Variants in CLASP1 observed in about 807,000 individuals in gnomAD.
CLASP1 encodes the protein CLIP-associating protein 1.
In CLASP1, 38 loss-of-function variants were observed where a neutral mutation model predicts 192.3. That is an observed-to-expected ratio of 0.20 (90% CI 0.15 to 0.26). The LOEUF is 0.26. CLASP1 is among the 10% of genes least tolerant of loss of function. The pLI, the probability that CLASP1 is intolerant of heterozygous loss-of-function variation, is 1.00. For missense variants in CLASP1, 1,433 were observed against 1,932.5 expected, an observed-to-expected ratio of 0.74 and a Z score of 4.85; for synonymous variants, 691 against 712.8, an observed-to-expected ratio of 0.97 and a Z score of 0.49.
At chr2:121,638,352 G>A (rs1326551749) in intron 1 of CLASP1, among the ~76,000 whole-genome samples, 1 of 151,900 alleles carries the variant, frequency 6.6e-6, no homozygotes, top group African/African-American at 2.4e-5. Flanking sequence ...TGGAGAAACT[G>A]GAACCCTTGT....
At position 121,404,356 on chromosome 2, in the gene CLASP1, T is replaced by A. The variant is rs1302834827; in HGVS notation, c.2733+15A>T. 2.5e-6 allele frequency: 4 copies of A among 1,610,402 alleles called. No individual in the cohort carries two copies. Among genetic ancestry groups the A allele is most frequent in the Non-Finnish European group, 3.4e-6 (4 of 1,178,506 alleles). On this transcript the variant is annotated intron_variant, in intron 26 of 39. Coordinates refer to ENST00000263710, the Ensembl canonical transcript of CLASP1. ...TGCAGGGGTAAAGACAGGGCAGGCA[T>A]GACTTCAGACTTACCTTGCTATGAG...
Position 121,643,066 on chromosome 2 carries a change from CA to C in CLASP1, c.-286+6305del, listed in dbSNP as rs370592528. On this transcript the variant is annotated intron_variant, in intron 1 of 39. Coordinates refer to ENST00000263710, the Ensembl canonical transcript of CLASP1. ...TGGACAGTAGTGAGGGAAAGTCCTA[CA>C]CTGACCTCAGCTATCCTGAATGAAG... is the stretch of plus-strand genomic sequence containing the variant. Among the ~76,000 whole-genome samples the C allele has an allele frequency of 9.9e-5, 15 of 151,644 alleles. 1 individual carries two copies. The South Asian group carries it at 3.1e-3, about 32-fold the overall frequency.
chr2:121,634,682 C>T (rs770763944), intron 1 of CLASP1, among the ~76,000 whole-genome samples: 8 of 152,256 alleles, frequency 5.3e-5, no homozygotes, highest in South Asian at 4.1e-4. Context: ...ACTTTAGAAA[C>T]GCAGTCACAG....
chr2:121,537,506 G>C (rs995617201), intron 2 of CLASP1, among the ~76,000 whole-genome samples: 19 of 152,098 alleles, frequency 1.2e-4, no homozygotes, highest in African/African-American at 4.6e-4. Flanking sequence ...GAAGCCCAGT[G>C]TATCACACCA....
chr2:121,516,866 T>C (rs1575597182), intron 6 of CLASP1, among the ~76,000 whole-genome samples: 1 of 152,020 alleles, frequency 6.6e-6, no homozygotes, highest in South Asian at 2.1e-4. Context: ...GTCTCTACTA[T>C]AAATACAAAA....
intron 5 of CLASP1, among the ~76,000 whole-genome samples, chr2:121,527,227 G>T (rs1367396894): frequency 3.3e-5 from 5 of 152,106 alleles, no homozygotes; most frequent in Admixed American, 6.5e-5. Context: ...CCAAAAACTG[G>T]AAATTACCCA....
rs542092726 is a variant in CLASP1, at chr2:121,545,913, A to T, written c.196-15588T>A. On this transcript the variant is annotated intron_variant, in intron 2 of 39. Transcript: ENST00000263710. ...TTCTATTATAGTTTGCTCATTACTT[A>T]AAAAAAAAAAACTTTCTTTAATTGG... Among the ~76,000 whole-genome samples the T allele has an allele frequency of 6.6e-3, 632 of 95,976 alleles. 3 individuals are homozygous for T. Among genetic ancestry groups the T allele is most frequent in the African/African-American group, 0.061 (613 of 10,052 alleles). 63.0% of individuals were successfully genotyped at this position (95,976 alleles called of 152,430 possible).
At chr2:121,358,973 C>T (rs932807566) in intron 37 of CLASP1, among the ~76,000 whole-genome samples, 5 of 152,230 alleles carry the variant, frequency 3.3e-5, no homozygotes, top group Non-Finnish European at 7.3e-5. Flanking sequence ...TCAGAATAAG[C>T]TAAGTCTAAT....
chr2:121,496,758 A>G (rs939423430), intron 8 of CLASP1, among the ~76,000 whole-genome samples: 1 of 152,212 alleles, frequency 6.6e-6, no homozygotes, highest in Admixed American at 6.5e-5. Flanking sequence ...ACCTGCAAAC[A>G]TGACGCATAC....
chr2:121,558,908 T>C (rs2058822113), intron 2 of CLASP1, among the ~76,000 whole-genome samples: 1 of 152,184 alleles, frequency 6.6e-6, no homozygotes. Flanking sequence ...AAGAATGACC[T>C]TGCAAACTGA....
intron 24 of CLASP1, chr2:121,409,106 A>G (rs1227828785): frequency 4.4e-6 from 6 of 1,375,822 alleles, no homozygotes; most frequent in African/African-American, 2.9e-5. Context: ...TGTCAGAAGC[A>G]TATGTAGGGA....
chr2:121,417,433 G>GA (rs1190866287), intron 23 of CLASP1, among the ~76,000 whole-genome samples: 2 of 146,558 alleles, frequency 1.4e-5, no homozygotes, highest in Non-Finnish European at 3.0e-5. Context: ...AATTTAAAAG[G>GA]AAAAATCACC....
intron 1 of CLASP1, among the ~76,000 whole-genome samples, chr2:121,606,436 C>T (rs1249450214): frequency 6.6e-6 from 1 of 152,210 alleles, no homozygotes; most frequent in Non-Finnish European, 1.5e-5. Context: ...AATTTCCCAG[C>T]TTGTAAATGC....
At chr2:121,432,240 C>A (rs1242563306) in intron 19 of CLASP1, among the ~76,000 whole-genome samples, 2 of 152,148 alleles carry the variant, frequency 1.3e-5, no homozygotes, top group Non-Finnish European at 2.9e-5. Context: ...CCTCAGCCTC[C>A]CCAGTAGCTG....
intron 2 of CLASP1, among the ~76,000 whole-genome samples, chr2:121,531,597 A>C (rs2094886238): frequency 6.8e-6 from 1 of 146,376 alleles, no homozygotes; most frequent in Non-Finnish European, 1.5e-5. Context: ...CCATCTCAAA[A>C]AAAAAAAAAA....
chr2:121,647,767 AAC>A (rs1219167864), intron 1 of CLASP1, among the ~76,000 whole-genome samples: 2 of 152,252 alleles, frequency 1.3e-5, no homozygotes, highest in African/African-American at 4.8e-5. Context: ...ATTCAGTTGT[AAC>A]ACAGAGATAC....
intron 8 of CLASP1, among the ~76,000 whole-genome samples, chr2:121,471,061 C>A (rs1040920312): frequency 5.3e-5 from 8 of 152,136 alleles, no homozygotes; most frequent in Non-Finnish European, 8.8e-5. Context: ...AATGGGAGGA[C>A]TGCTTGAGGC....
chr2:121,474,587 T>A, intron 8 of CLASP1, among the ~76,000 whole-genome samples: 1 of 152,074 alleles, frequency 6.6e-6, no homozygotes, highest in East Asian at 1.9e-4. Context: ...ATACAAAAAA[T>A]TAGCCGGGCA....
intron 15 of CLASP1, 123 bp downstream of exon 15, chr2:121,451,667 T>TA (rs1363281030): frequency 5.8e-5 from 41 of 708,782 alleles, no homozygotes; most frequent in East Asian, 5.7e-4. Context: ...ACAACAGACG[T>TA]AGTCATGAAA....
Sources: allele counts gnomAD v4.1 joint callset (sites outside exome capture counted in the v4.1 genomes callset), GRCh38; gene constraint gnomAD v4.1.1; transcripts MANE v1.5; gene names NCBI Gene and HGNC (gene_info 2026-07-23, HGNC 2026-07-21).